Variants in GLP1R observed in about 807,000 individuals in gnomAD.
GLP1R encodes the protein glucagon like peptide 1 receptor.
GLP1R carries 32 observed loss-of-function variants against 68.4 expected under a neutral mutation model. The ratio of observed to expected loss-of-function variants is 0.47; its 90% CI spans 0.35 to 0.63. The LOEUF (loss-of-function observed/expected upper bound fraction) is 0.63. GLP1R is among the 20% of genes least tolerant of loss of function. The pLI, the probability that GLP1R is intolerant of heterozygous loss-of-function variation, is 0.00. For synonymous variants in GLP1R, 263 were observed against 244.4 expected (o/e 1.08, Z -0.71); for missense variants, 502 against 594.9 (o/e 0.84, Z 1.62).
chr6:39,075,494 G>T (rs1345687800), intron 7 of GLP1R, among the ~76,000 whole-genome samples: 1 of 152,186 alleles, frequency 6.6e-6, no homozygotes, highest in Non-Finnish European at 1.5e-5. Flanking sequence ...TGCCCTAGAG[G>T]TCTCTGAGTG....
intron 5 of GLP1R, among the ~76,000 whole-genome samples, chr6:39,071,335 G>C (rs183205402): frequency 2.2e-5 from 2 of 91,204 alleles, no homozygotes; most frequent in Non-Finnish European, 3.8e-5. Flanking sequence ...GACAGAGCAA[G>C]ATTCCATCTC....
chr6:39,052,977 A>C (rs1031261467), intron 1 of GLP1R, among the ~76,000 whole-genome samples: 2 of 151,830 alleles, frequency 1.3e-5, no homozygotes, highest in South Asian at 2.1e-4. Flanking sequence ...TTCCTCCAAA[A>C]ACTCCTGAAT....
intron 7 of GLP1R, 115 bp downstream of exon 7, chr6:39,073,884 T>G: frequency 1.1e-6 from 1 of 902,250 alleles, no homozygotes; most frequent in Non-Finnish European, 1.7e-6. Context: ...GCCCACTGGG[T>G]AACCCTCTTC....
intron 3 of GLP1R, among the ~76,000 whole-genome samples, chr6:39,064,582 G>C (rs896034308): frequency 6.6e-6 from 1 of 151,936 alleles, no homozygotes; most frequent in African/African-American, 2.4e-5. Context: ...ATTGGCCCTG[G>C]TGTCAAACTT....
intron 3 of GLP1R, among the ~76,000 whole-genome samples, chr6:39,062,801 G>A (rs1011599595): frequency 6.6e-6 from 1 of 152,230 alleles, no homozygotes; most frequent in Non-Finnish European, 1.5e-5. Flanking sequence ...TAGGCAAGTT[G>A]TTTGGCTTCT....
rs151053629 is a variant in GLP1R, at chr6:39,063,897, T to TACAC, written c.284-1796_284-1793dup. ...TGGGGCTGCCACAGTCCCCATCGTG[T>TACAC]ACACACACACACACACACACAGACA... is the stretch of plus-strand genomic sequence containing the variant. On this transcript the variant is annotated intron_variant, in intron 3 of 12. Transcript: ENST00000373256. 0.018 allele frequency among the ~76,000 whole-genome samples: 2,551 copies of TACAC among 142,082 alleles called. 171 individuals are homozygous for TACAC. In the East Asian group the frequency reaches 0.22, roughly 12 times the overall value. The allele number at this position is 142,082 out of a possible 152,430, so 93.2% of individuals were successfully genotyped here.
chr6:39,058,927 A>G (rs9283907), intron 3 of GLP1R, among the ~76,000 whole-genome samples: 133,554 of 152,340 alleles, frequency 0.88, 58,674 homozygotes, highest in African/African-American at 0.93. Flanking sequence ...TGGCCCAGAA[A>G]CAAGTGCGGG....
intron 5 of GLP1R, among the ~76,000 whole-genome samples, chr6:39,068,159 G>A (rs889684262): frequency 1.3e-5 from 2 of 152,090 alleles, no homozygotes; most frequent in Non-Finnish European, 1.5e-5. Context: ...AGGAAGAAAG[G>A]GGTAACTGGT....
In GLP1R at chr6:39,066,235, C is replaced by G. The variant is rs199790397; in HGVS notation, c.441C>G (p.Ile147Met). 6.8e-6 allele frequency: 11 copies of G among 1,612,892 alleles called. 1 individual carries two copies. Among genetic ancestry groups the G allele is most frequent in the African/African-American group, 2.7e-5 (2 of 74,908 alleles). ...AGCAGCTCCTGTTCCTCTACATCAT[C>G]TACACGGTGGGCTACGCACTCTCCT... ...PEEQLLFLYI[I>M]YTVGYALSFS... Residue 147 changes from isoleucine (I) to methionine (M), a missense_variant, in exon 5 of 13, where the codon ATC (isoleucine) becomes ATG (methionine). Transcript: ENST00000373256.
Position 39,073,678 on chromosome 6 carries a change from C to T in GLP1R, c.732C>T (p.Leu244=). ...GTGTGGCGGCCAATTACTACTGGCTCTTGGTGGAGGGCGTGTACCTGTACA... is the reference window on the plus strand; with the variant it reads ...GTGTGGCGGCCAATTACTACTGGCTTTTGGTGGAGGGCGTGTACCTGTACA... The part of the protein sequence containing the change: ...QYCVAANYYW[L]LVEGVYLYTL... The change falls in exon 7 of 13, where the codon CTC becomes CTT. Residue 244 remains leucine (L), a synonymous_variant. Transcript: ENST00000373256. The T allele has an allele frequency of 6.2e-7, 1 of 1,613,810 alleles. No homozygotes were observed. The highest frequency in any genetic ancestry group is 8.5e-7 in the Non-Finnish European group (1 of 1,179,738).
intron 12 of GLP1R, 23 bp from the exon 13 acceptor site, chr6:39,085,883 T>C (rs773921994): frequency 6.2e-6 from 10 of 1,612,946 alleles, no homozygotes; most frequent in South Asian, 1.1e-5. Context: ...ATGGCTTTCG[T>C]TTCCCTCCTT....
At position 39,066,075 on chromosome 6, in the gene GLP1R, C is replaced by A. The variant is rs1245786872; in HGVS notation, c.403-122C>A. The A allele has an allele frequency of 1.4e-4, 89 of 632,768 alleles. 1 individual carries two copies. The allele number at this position is 632,768 out of a possible 1,614,324, so 39.2% of individuals were successfully genotyped here. A position where few individuals can be genotyped will look rare whatever the true frequency, so the allele number is the denominator to read the frequency against. On this transcript the variant is annotated intron_variant, in intron 4 of 12. Coordinates refer to ENST00000373256, the MANE Select transcript of GLP1R (RefSeq NM_002062.5). ...GGTTACGGTTATTCTCTTTCTTGGT[C>A]TTGGTATCCCCGGTGAGTCCTGACT...
chr6:39,080,065 G>C (rs1583648953), intron 11 of GLP1R, among the ~76,000 whole-genome samples: 1 of 152,144 alleles, frequency 6.6e-6, no homozygotes, highest in East Asian at 1.9e-4. Flanking sequence ...ACTTTACAGA[G>C]GAGACTCAGA....
In GLP1R at chr6:39,073,754, G is replaced by A. The variant is rs199523424; in HGVS notation, c.808G>A (p.Val270Met). The A allele has an allele frequency of 2.9e-5, 46 of 1,613,832 alleles. No individual in the cohort carries two copies. The highest frequency in any genetic ancestry group is 6.7e-5 in the Admixed American group (4 of 59,990). The stretch of plus-strand genomic sequence containing the variant: ...TGAGCAATGGATCTTCAGGCTCTAC[G>A]TGAGCATAGGCTGGGGTAAGAACCG... ...LSEQWIFRLY[V>M]SIGWGVPLLF... The change falls in exon 7 of 13, where the codon GTG becomes ATG. Residue 270 changes from valine to methionine, a missense_variant. By Grantham distance (21) the Val-to-Met change is conservative. Coordinates refer to ENST00000373256, the MANE Select transcript of GLP1R (RefSeq NM_002062.5).
Position 39,066,255 on chromosome 6 carries a change from T to C in GLP1R, c.461T>C (p.Leu154Pro), listed in dbSNP as rs1768510278. 6.2e-7 allele frequency: 1 copy of C among 1,613,442 alleles called. No individual in the cohort carries two copies. The highest frequency in any genetic ancestry group is 8.5e-7 in the Non-Finnish European group (1 of 1,179,418). Reference sequence around the variant, plus strand: ...ATCATCTACACGGTGGGCTACGCACTCTCCTTCTCTGCTCTGGTTATCGCC... The same window carrying C: ...ATCATCTACACGGTGGGCTACGCACCCTCCTTCTCTGCTCTGGTTATCGCC... ...LYIIYTVGYA[L>P]SFSALVIASA... Residue 154 changes from leucine (L) to proline (P), a missense_variant, in exon 5 of 13, where the codon CTC (leucine) becomes CCC (proline). Transcript: ENST00000373256.
In GLP1R at chr6:39,079,268, A is replaced by C. The variant is rs1768924876; in HGVS notation, c.1043+68A>C. 1 of 1,131,496 alleles carries C rather than the reference A, an allele frequency of 8.8e-7. No individual in the cohort carries two copies. The highest frequency in any genetic ancestry group is 1.5e-5 in the African/African-American group (1 of 65,774). The allele number at this position is 1,131,496 out of a possible 1,614,324, so 70.1% of individuals were successfully genotyped here. ...GCCCCTTTCCTTCTAGCAGAGAGAG[A>C]GAGAGAGATCCTGGGATGCTTAGCT... On this transcript the variant is annotated intron_variant, in intron 10 of 12. Coordinates refer to ENST00000373256, the MANE Select transcript of GLP1R (RefSeq NM_002062.5). The surrounding 1 kb of genome is among the most constrained non-coding windows in gnomAD (Gnocchi z 4.5).
At chr6:39,059,998 C>T (rs1387220416) in intron 3 of GLP1R, among the ~76,000 whole-genome samples, 1 of 152,232 alleles carries the variant, frequency 6.6e-6, no homozygotes, top group Non-Finnish European at 1.5e-5. Context: ...CCCCGTCCCC[C>T]TGCCACTCAC....
intron 5 of GLP1R, among the ~76,000 whole-genome samples, chr6:39,067,953 C>T (rs1768558787): frequency 6.6e-6 from 1 of 152,114 alleles, no homozygotes; most frequent in African/African-American, 2.4e-5. Flanking sequence ...CAAAAGGGAG[C>T]AATAGGTCTG....
intron 12 of GLP1R, among the ~76,000 whole-genome samples, chr6:39,085,244 G>C (rs1048143124): frequency 6.6e-6 from 1 of 152,244 alleles, no homozygotes. Context: ...GGGGAGGCCA[G>C]AGCCCAGCAC....
Sources: gnomAD v4.1 joint callset for allele counts (sites outside exome capture counted in the v4.1 genomes callset) on GRCh38, gnomAD v4.1.1 for gene constraint, Gnocchi (gnomAD v3.1) non-coding constraint, MANE v1.5 for transcripts, NCBI Gene and HGNC (gene_info 2026-07-23, HGNC 2026-07-21) for gene names.